Variants in ESR1 observed in about 807,000 individuals in gnomAD.
ESR1 encodes the protein estrogen receptor 1.
A neutral mutation model predicts 52.7 loss-of-function variants in ESR1; 12 were observed. The ratio of observed to expected loss-of-function variants is 0.23; its 90% CI spans 0.15 to 0.37. The LOEUF is 0.37. Among genes scored for constraint, ESR1 ranks in the 10% least tolerant of loss-of-function variants. The probability of loss-of-function intolerance (pLI) is 1.00; values close to 1 mark genes in which losing one functional copy is unlikely to be tolerated. For synonymous variants in ESR1, 305 were observed against 316.8 expected (o/e 0.96, Z 0.39); for missense variants, 584 against 779.7 (o/e 0.75, Z 2.99).
chr6:151,966,473 T>C (rs9478260), intron 4 of ESR1, among the ~76,000 whole-genome samples: 3 of 152,168 alleles, frequency 2.0e-5, no homozygotes, highest in African/African-American at 4.8e-5. Context: ...TTCTCTTTTG[T>C]TGTCTCTCTT....
At chr6:151,935,110 C>T (rs2034197226) in intron 3 of ESR1, among the ~76,000 whole-genome samples, 1 of 152,140 alleles carries the variant, frequency 6.6e-6, no homozygotes, top group Non-Finnish European at 1.5e-5. Flanking sequence ...ACTAATAGCA[C>T]CTGCCTTGTG....
intron 5 of ESR1, among the ~76,000 whole-genome samples, chr6:152,045,983 A>G (rs3020364): frequency 0.42 from 64,144 of 152,064 alleles, 14,959 homozygotes; most frequent in African/African-American, 0.61. Context: ...CTGGAATAAC[A>G]CCTGAGATCT....
chr6:151,974,075 G>C (rs2039190917), intron 4 of ESR1, among the ~76,000 whole-genome samples: 1 of 149,938 alleles, frequency 6.7e-6, no homozygotes, highest in African/African-American at 2.4e-5. Context: ...ATTTAAAAAT[G>C]AGGGGTCATC....
intron 2 of ESR1, among the ~76,000 whole-genome samples, chr6:151,744,385 T>G (rs1289967159): frequency 6.6e-6 from 1 of 152,252 alleles, no homozygotes; most frequent in Non-Finnish European, 1.5e-5. Context: ...CACCGACATT[T>G]GTTATTGTCT....
chr6:151,940,964 A>G (rs977539940), intron 3 of ESR1, among the ~76,000 whole-genome samples: 3 of 152,242 alleles, frequency 2.0e-5, no homozygotes, highest in Admixed American at 6.5e-5. Context: ...GCTGGAAAGT[A>G]GATTAGCGTT....
At chr6:152,039,133 AC>A (rs1261479429) in intron 5 of ESR1, among the ~76,000 whole-genome samples, 1 of 152,226 alleles carries the variant, frequency 6.6e-6, no homozygotes, top group African/African-American at 2.4e-5. Context: ...ACCTTCTTCT[AC>A]AACCCATTCT....
upstream of ESR1, among the ~76,000 whole-genome samples, chr6:151,806,537 T>TATATATATATATATATATATATAC (rs2128151067): frequency 7.3e-6 from 1 of 137,570 alleles, no homozygotes; most frequent in African/African-American, 2.8e-5. Flanking sequence ...TATGTATATA[T>TATATATATATATATATATATATAC]ATATATATAT....
intron 1 of ESR1, among the ~76,000 whole-genome samples, chr6:151,812,932 A>G (rs9479120): frequency 0.013 from 1,910 of 151,828 alleles, 36 homozygotes; most frequent in African/African-American, 0.044. Context: ...TTTATATTTT[A>G]AACTCCGCCA....
At chr6:151,844,056 T>C (rs962800490) in intron 2 of ESR1, among the ~76,000 whole-genome samples, 3 of 151,838 alleles carry the variant, frequency 2.0e-5, no homozygotes, top group Non-Finnish European at 4.4e-5. Flanking sequence ...TTTTTGTTGG[T>C]ATTTTTATAC....
intron 3 of ESR1, among the ~76,000 whole-genome samples, chr6:151,899,522 G>C (rs1233302472): frequency 8.8e-5 from 13 of 148,422 alleles, no homozygotes; most frequent in African/African-American, 3.2e-4. Flanking sequence ...GGCCGGGCGG[G>C]GGGCTGACCC....
chr6:152,079,826 TGA>T (rs2129005757), intron 6 of ESR1, among the ~76,000 whole-genome samples: 1 of 152,262 alleles, frequency 6.6e-6, no homozygotes, highest in East Asian at 1.9e-4. Flanking sequence ...AACCACAGCA[TGA>T]GAACTTCGTG....
chr6:152,058,737 G>A (rs1418483944), intron 5 of ESR1, among the ~76,000 whole-genome samples: 1 of 152,014 alleles, frequency 6.6e-6, no homozygotes, highest in East Asian at 1.9e-4. Flanking sequence ...CTTTCTTCTT[G>A]GTACTCTAGT....
At chr6:151,989,171 A>G (rs2040785472) in intron 4 of ESR1, among the ~76,000 whole-genome samples, 2 of 152,248 alleles carry the variant, frequency 1.3e-5, no homozygotes, top group East Asian at 3.9e-4. Flanking sequence ...TTTTATCTGG[A>G]TCTTGCCCAC....
Position 151,765,834 on chromosome 6 carries a change from C to T in ESR1, c.-70-42009C>T, listed in dbSNP as rs118149663. Among the ~76,000 whole-genome samples, 417 of 152,328 alleles carry T rather than the reference C, an allele frequency of 2.7e-3. 4 individuals carry two copies. The highest frequency in any genetic ancestry group is 0.016 in the East Asian group (83 of 5,182). Reference sequence around the variant, plus strand: ...TCAGCCTCTAGTCCAGGATATTACTCATTCCTCAGTTCAAGAAACTCTAGG... The same window carrying T: ...TCAGCCTCTAGTCCAGGATATTACTTATTCCTCAGTTCAAGAAACTCTAGG... On this transcript the variant is annotated intron_variant, in intron 2 of 2. Coordinates refer to the ESR1 transcript ENST00000404742.
chr6:151,796,664 C>A (rs909125700), intron 2 of ESR1, among the ~76,000 whole-genome samples: 1 of 152,142 alleles, frequency 6.6e-6, no homozygotes, highest in Non-Finnish European at 1.5e-5. Context: ...GTTTTAATGA[C>A]AAAAACCACA....
At chr6:152,108,695 T>C (rs2152513024) in intron 6 of ESR1, among the ~76,000 whole-genome samples, 1 of 152,328 alleles carries the variant, frequency 6.6e-6, no homozygotes, top group East Asian at 1.9e-4. Context: ...ATGTACCCAT[T>C]GGAGTGTGCC....
At chr6:152,033,856 G>T (rs942945833) in intron 5 of ESR1, among the ~76,000 whole-genome samples, 1 of 152,128 alleles carries the variant, frequency 6.6e-6, no homozygotes, top group African/African-American at 2.4e-5. Context: ...TATGTTTATT[G>T]CAGCACTATT....
At position 152,101,809 on chromosome 6, in the gene ESR1, A is replaced by T. The variant is rs33996622; in HGVS notation, c.*2843A>T. 658 of 227,390 alleles carry T rather than the reference A, an allele frequency of 2.9e-3. 6 individuals carry two copies. The highest frequency in any genetic ancestry group is 0.014 in the African/African-American group (610 of 45,130). The allele number at this position is 227,390 out of a possible 1,614,324, so 14.1% of individuals were successfully genotyped here. A position where few individuals can be genotyped will look rare whatever the true frequency, so the allele number is the denominator to read the frequency against. On this transcript the variant is annotated 3_prime_UTR_variant, in exon 8 of 8. Coordinates refer to ENST00000206249, the MANE Select transcript of ESR1 (RefSeq NM_000125.4). ...GAGTATTGAAAGTATTTGGAGGAAA[A>T]TGGTTAATTCTGGGTGTGCACCAGG... is the stretch of plus-strand genomic sequence containing the variant.
chr6:151,874,986 GA>G (rs145116392), intron 2 of ESR1, among the ~76,000 whole-genome samples: 2 of 152,268 alleles, frequency 1.3e-5, no homozygotes, highest in African/African-American at 4.8e-5. Context: ...TATAGCAGGG[GA>G]AAATGGCATT....
Sources: gnomAD v4.1 joint callset for allele counts (sites outside exome capture counted in the v4.1 genomes callset) on GRCh38, gnomAD v4.1.1 for gene constraint, MANE v1.5 for transcripts, NCBI Gene and HGNC (gene_info 2026-07-23, HGNC 2026-07-21) for gene names.